The following TMPO variants were observed in gnomAD, a reference collection of about 807,000 sequenced individuals.
The protein encoded by TMPO is LEM domain containing 4.
A neutral mutation model predicts 45.4 loss-of-function variants in TMPO; 22 were observed. The observed-to-expected ratio is 0.48, with a 90% CI of 0.35 to 0.69. The LOEUF (loss-of-function observed/expected upper bound fraction) is 0.69. TMPO is among the 30% of genes least tolerant of loss of function. The pLI, the probability that TMPO is intolerant of heterozygous loss-of-function variation, is 0.01. For missense variants in TMPO, 512 were observed against 548.8 expected, an observed-to-expected ratio of 0.93 and a Z score of 0.67; for synonymous variants, 241 against 204.1, an observed-to-expected ratio of 1.18 and a Z score of -1.54.
At position 98,544,936 on chromosome 12, in the gene TMPO, T is replaced by G. The variant is rs753798190; in HGVS notation, c.880-15T>G. 5 of 1,565,208 alleles carry G rather than the reference T, an allele frequency of 3.2e-6. No homozygotes were observed. The highest frequency in any genetic ancestry group is 4.4e-6 in the Non-Finnish European group (5 of 1,136,998). On this transcript the variant is annotated splice_polypyrimidine_tract_variant and intron_variant, in intron 6 of 8. Transcript: ENST00000556029. ...TTTGGATAATTCTGAGTCTGAATAA[T>G]TTGAATCTTGGCAGGTTGTCAATAG...
At chr12:98,519,025 G>A (rs1331633869) in intron 1 of TMPO, among the ~76,000 whole-genome samples, 1 of 151,936 alleles carries the variant, frequency 6.6e-6, no homozygotes, top group East Asian at 1.9e-4. Context: ...GGGACTACAG[G>A]CGCCCGCCAC....
rs1244081680 is a variant in TMPO, at chr12:98,534,306, A to G, written c.565+2468A>G. The stretch of plus-strand genomic sequence containing the variant: ...GTGGAACATTATTTGGAGGAGAAGT[A>G]TGCAAAGTAATTAAAAAGCGTGGAA... On this transcript the variant is annotated intron_variant, in intron 3 of 8. Coordinates refer to ENST00000556029, the MANE Select transcript of TMPO (RefSeq NM_001032283.3). The G allele has an allele frequency of 1.2e-6, 2 of 1,613,134 alleles. No individual in the cohort carries two copies. Among genetic ancestry groups the G allele is most frequent in the Admixed American group, 1.7e-5 (1 of 60,022 alleles).
At position 98,531,216 on chromosome 12, in the gene TMPO, A is replaced by G. The variant is rs559700340; in HGVS notation, c.407-464A>G. Among the ~76,000 whole-genome samples the G allele has an allele frequency of 2.4e-4, 35 of 146,292 alleles. 1 individual carries two copies. Among genetic ancestry groups the G allele is most frequent in the African/African-American group, 8.8e-4 (35 of 39,744 alleles). ...TGGCCTCTGGAGGTGCTGGGATTACAGGCATCAGCCACCACGTCCTTTTTT... is the reference window on the plus strand; with the variant it reads ...TGGCCTCTGGAGGTGCTGGGATTACGGGCATCAGCCACCACGTCCTTTTTT... On this transcript the variant is annotated intron_variant, in intron 2 of 8. Coordinates refer to ENST00000556029, the MANE Select transcript of TMPO (RefSeq NM_001032283.3).
intron 4 of TMPO, among the ~76,000 whole-genome samples, chr12:98,542,946 G>C (rs780086781): frequency 3.3e-5 from 5 of 152,318 alleles, no homozygotes; most frequent in Non-Finnish European, 5.9e-5. Flanking sequence ...CAATAATTTT[G>C]CATTCAGCAA....
At chr12:98,545,874 G>A (rs541256369) in intron 7 of TMPO, among the ~76,000 whole-genome samples, 8 of 151,834 alleles carry the variant, frequency 5.3e-5, no homozygotes, top group African/African-American at 1.9e-4. Flanking sequence ...CTGGGATTAC[G>A]GGTGCCCGCC....
chr12:98,518,468 A>ATGTTTT (rs1876063619), intron 1 of TMPO, among the ~76,000 whole-genome samples: 1 of 82,018 alleles, frequency 1.2e-5, no homozygotes, highest in African/African-American at 5.9e-5. Context: ...TAATTTTCTA[A>ATGTTTT]TCTTTTTTTT....
chr12:98,516,417 A>G (rs1022920555), intron 1 of TMPO: 36 of 1,176,810 alleles, frequency 3.1e-5, no homozygotes, highest in Non-Finnish European at 3.8e-5. Context: ...CACGCAGTCG[A>G]CGCCGCTTCC....
chr12:98,533,524 C>T lies in TMPO; in HGVS notation c.565+1686C>T, dbSNP rs1465207471. On this transcript the variant is annotated intron_variant, in intron 3 of 8. Transcript: ENST00000556029. Reference sequence around the variant, plus strand: ...GTCTAAGTTTCAAGAAACTGAATTCCTGTCTCCTCCAAGAAAAGTCCCTAG... The same window carrying T: ...GTCTAAGTTTCAAGAAACTGAATTCTTGTCTCCTCCAAGAAAAGTCCCTAG... 3 of 1,614,036 alleles carry T rather than the reference C, an allele frequency of 1.9e-6. No individual in the cohort carries two copies. The South Asian group carries it at 3.3e-5, about 18-fold the overall frequency.
At chr12:98,534,748 A>G in intron 3 of TMPO, 1 of 1,016,792 alleles carries the variant, frequency 9.8e-7, no homozygotes, top group Non-Finnish European at 1.2e-6. Context: ...CAGAACAGTG[A>G]TGTTGTTCTT....
chr12:98,533,043 T>C lies in TMPO; in HGVS notation c.565+1205T>C, dbSNP rs577602952. ...AGCCTCTTGTTGCCACAAACTTGCC[T>C]GGCAGGGGACAGTTGCAGAAGTTAG... On this transcript the variant is annotated intron_variant, in intron 3 of 8. Transcript: ENST00000556029. 1.3e-5 allele frequency: 21 copies of C among 1,613,566 alleles called. No individual in the cohort carries two copies. The South Asian group carries it at 2.2e-4, about 17-fold the overall frequency.
intron 2 of TMPO, among the ~76,000 whole-genome samples, chr12:98,530,143 G>A (rs1377945800): frequency 6.6e-6 from 1 of 151,994 alleles, no homozygotes; most frequent in East Asian, 1.9e-4. Context: ...TTGAAGAGCA[G>A]CCTGGACAAC....
rs776416936 is a variant in TMPO, at chr12:98,516,004, C to G, written c.137C>G (p.Thr46Arg). The G allele has an allele frequency of 2.5e-6, 4 of 1,611,332 alleles. No individual in the cohort carries two copies. The highest frequency in any genetic ancestry group is 3.3e-5 in the Admixed American group (2 of 59,944). ...VYVQLYLQHL[T>R]ARNRPPLPAG... is the part of the protein sequence containing the mutation. ...GTCCAGCTCTACCTGCAGCACCTCA[C>G]GGCTCGCAACCGGCCGCCGCTCCCC... The change falls in exon 1 of 9, where the codon ACG becomes AGG. Residue 46 changes from threonine to arginine, a missense_variant. By Grantham distance (71) the Thr-to-Arg change is moderately conservative. This residue lies in a region of TMPO where 299 missense variants were observed against 296.7 expected (regional missense o/e 1.01). Coordinates refer to ENST00000556029, the MANE Select transcript of TMPO (RefSeq NM_001032283.3).
chr12:98,516,541 T>G, intron 1 of TMPO: 5 of 1,028,930 alleles, frequency 4.9e-6, no homozygotes, highest in Non-Finnish European at 5.8e-6. Context: ...GTTTTCCCGC[T>G]TTATTAACTG....
At chr12:98,523,783 C>A (rs1185378230) in intron 1 of TMPO, among the ~76,000 whole-genome samples, 11 of 152,272 alleles carry the variant, frequency 7.2e-5, no homozygotes, top group Admixed American at 5.9e-4. Flanking sequence ...TCAAGTGATT[C>A]TCCAGCCTCA....
At chr12:98,540,577 C>T (rs942324539) in intron 4 of TMPO, among the ~76,000 whole-genome samples, 16 of 152,226 alleles carry the variant, frequency 1.1e-4, no homozygotes, top group African/African-American at 2.6e-4. Flanking sequence ...GGGGTTTCTC[C>T]GTGTTGGTCA....
chr12:98,528,038 G>T (rs770199508), intron 2 of TMPO, 26 bp downstream of exon 2: 1 of 1,613,344 alleles, frequency 6.2e-7, no homozygotes, highest in Non-Finnish European at 8.5e-7. Flanking sequence ...TTCAAATACA[G>T]TATCTTTTCT....
rs1490105931 is a variant in TMPO, at chr12:98,516,000, C to T, written c.133C>T (p.Leu45Phe). 2.5e-6 allele frequency: 4 copies of T among 1,611,954 alleles called. No individual in the cohort carries two copies. The highest frequency in any genetic ancestry group is 3.4e-6 in the Non-Finnish European group (4 of 1,179,690). ...GTACGTCCAGCTCTACCTGCAGCAC[C>T]TCACGGCTCGCAACCGGCCGCCGCT... ...DVYVQLYLQH[L>F]TARNRPPLPA... The change falls in exon 1 of 9, where the codon CTC becomes TTC. Residue 45 changes from leucine to phenylalanine, a missense_variant. Physicochemically the swap from Leu to Phe is conservative, Grantham distance 22. This residue lies in a region of TMPO where 299 missense variants were observed against 296.7 expected (regional missense o/e 1.01). Transcript: ENST00000556029.
rs183706265 is a variant in TMPO, at chr12:98,520,371, C to T, written c.279+4225C>T. Among the ~76,000 whole-genome samples the T allele has an allele frequency of 3.3e-3, 504 of 151,612 alleles. 1 individual carries two copies. The highest frequency in any genetic ancestry group is 0.011 in the African/African-American group (435 of 41,232). On this transcript the variant is annotated intron_variant, in intron 1 of 8. Coordinates refer to ENST00000556029, the MANE Select transcript of TMPO (RefSeq NM_001032283.3). ...AGGCTGGAGTGCAGTGGCATGATCT[C>T]GGCTCACTGCAACCTCTGCCTCCCA...
At chr12:98,534,496 T>C in intron 3 of TMPO, 4 of 1,456,576 alleles carry the variant, frequency 2.7e-6, no homozygotes, top group Non-Finnish European at 3.6e-6. Context: ...TAATTGCCTG[T>C]GTAGAACTAC....
Sources: allele counts gnomAD v4.1 joint callset (sites outside exome capture counted in the v4.1 genomes callset), GRCh38; gene constraint gnomAD v4.1.1; regional missense constraint gnomAD v4.1.1; transcripts MANE v1.5; gene names NCBI Gene and HGNC (gene_info 2026-07-23, HGNC 2026-07-21).